SYNE2: variants seen among roughly 807,000 people sequenced by gnomAD.
SYNE2 encodes the protein spectrin repeat containing nuclear envelope protein 2.
In SYNE2, 431 loss-of-function variants were observed where a neutral mutation model predicts 856.3. The observed-to-expected ratio is 0.50, with a 90% CI of 0.47 to 0.55. The LOEUF is 0.55. Ranked by LOEUF, SYNE2 falls within the 20% of genes least tolerant of loss-of-function variation. The pLI, the probability that SYNE2 is intolerant of heterozygous loss-of-function variation, is 0.00. For synonymous variants in SYNE2, 2,923 were observed against 2,872.3 expected (o/e 1.02, Z -0.56); for missense variants, 8,129 against 8,023.2 (o/e 1.01, Z -0.50).
Position 64,090,152 on chromosome 14 carries a change from T to TGAGA in SYNE2, c.11793+458_11793+461dup, listed in dbSNP as rs149676076. 1.5e-3 allele frequency among the ~76,000 whole-genome samples: 225 copies of TGAGA among 152,272 alleles called. 3 individuals carry two copies. Among genetic ancestry groups the TGAGA allele is most frequent in the East Asian group, 0.014 (70 of 5,184 alleles). ...TTGATCCCCTGCTCAGCCTAGTGAT[T>TGAGA]GAGAGCATGTGGTTTAGGACTAGGG... On this transcript the variant is annotated intron_variant, in intron 59 of 115. Coordinates refer to ENST00000555002, the MANE Select transcript of SYNE2 (RefSeq NM_182914.3).
chr14:64,104,995 A>AT (rs2097761878), intron 64 of SYNE2, among the ~76,000 whole-genome samples: 1 of 151,900 alleles, frequency 6.6e-6, no homozygotes, highest in African/African-American at 2.4e-5. Context: ...TGGTGCCACT[A>AT]TTTTCTCAGA....
intron 94 of SYNE2, among the ~76,000 whole-genome samples, chr14:64,171,680 T>G (rs935688671): frequency 6.6e-6 from 1 of 152,100 alleles, no homozygotes; most frequent in African/African-American, 2.4e-5. Flanking sequence ...AAAAGGCCAG[T>G]GTGACTGGCG....
rs758140241 is a variant in SYNE2 at position 64,113,392 on chromosome 14, G to A, written c.12661G>A (p.Gly4221Arg). ...ADTLDSSDAQ[G>R]GLEPRVEKTR... ...CACTCTGGACTCTTCTGACGCGCAA[G>A]GAGGTTTGGAGCCCAGGGTGGAGAA... Residue 4221 changes from glycine to arginine, a missense_variant, in exon 66 of 116, where the codon GGA (glycine) becomes AGA (arginine). Around this residue, in one of 3 missense-constraint regions of SYNE2, gnomAD observed 5,410 missense variants for 5,284.8 expected, o/e 1.02. Coordinates refer to ENST00000555002, the MANE Select transcript of SYNE2 (RefSeq NM_182914.3). 6.2e-7 allele frequency: 1 copy of A among 1,614,192 alleles called. No individual in the cohort carries two copies. Among genetic ancestry groups the A allele is most frequent in the Non-Finnish European group, 8.5e-7 (1 of 1,180,046 alleles).
chr14:63,879,215 C>T (rs1158777489), intron 1 of SYNE2, among the ~76,000 whole-genome samples: 1 of 152,334 alleles, frequency 6.6e-6, no homozygotes, highest in East Asian at 1.9e-4. Flanking sequence ...ATTGAAAAGT[C>T]TCCTTTTGTG....
intron 2 of SYNE2, among the ~76,000 whole-genome samples, chr14:63,930,552 A>T (rs2095738453): frequency 7.3e-6 from 1 of 136,820 alleles, no homozygotes; most frequent in Non-Finnish European, 1.6e-5. Flanking sequence ...TTTTTTTTTA[A>T]AGACAGAGTC....
chr14:63,941,574 T>G, intron 3 of SYNE2, 121 bp from the exon 4 acceptor site: 1 of 795,556 alleles, frequency 1.3e-6, no homozygotes, highest in South Asian at 1.5e-5. Flanking sequence ...TCTCATTCTC[T>G]TAATTAAGAA....
intron 63 of SYNE2, among the ~76,000 whole-genome samples, chr14:64,101,308 T>TATA (rs1273687612): frequency 6.6e-6 from 1 of 152,190 alleles, no homozygotes; most frequent in African/African-American, 2.4e-5. Flanking sequence ...CTTTTTTATA[T>TATA]AAGCCATTCT....
intron 1 of SYNE2, among the ~76,000 whole-genome samples, chr14:63,795,072 AT>A (rs1308039258): frequency 6.6e-6 from 1 of 152,030 alleles, no homozygotes; most frequent in Non-Finnish European, 1.5e-5. Context: ...CACCTGCCTA[AT>A]TTTTTTATTT....
intron 59 of SYNE2, among the ~76,000 whole-genome samples, chr14:64,090,180 G>T (rs112276206): frequency 3.3e-5 from 5 of 152,236 alleles, no homozygotes; most frequent in Admixed American, 1.3e-4. Context: ...GACTAGGGAG[G>T]CCTGGATTCT....
upstream of SYNE2, among the ~76,000 whole-genome samples, chr14:63,849,559 C>A (rs1890337242): frequency 6.6e-6 from 1 of 151,988 alleles, no homozygotes. Context: ...TAGATGGAAC[C>A]CCACAATTTT....
In SYNE2 at chr14:64,129,769, G is replaced by A; in HGVS notation, c.14020-13G>A. ...CTGAAGGGTTTTCTTTTCTTGTATT[G>A]TCTCTCACTTAGAAAGCAGATGCAT... On this transcript the variant is annotated splice_polypyrimidine_tract_variant and intron_variant, in intron 74 of 115. Coordinates refer to ENST00000555002, the MANE Select transcript of SYNE2 (RefSeq NM_182914.3). 1 of 1,613,846 alleles carries A rather than the reference G, an allele frequency of 6.2e-7. No homozygotes were observed. Among genetic ancestry groups the A allele is most frequent in the Non-Finnish European group, 8.5e-7 (1 of 1,179,952 alleles).
chr14:63,980,979 A>G lies in SYNE2; in HGVS notation c.1649-7A>G. 14 of 1,535,596 alleles carry G rather than the reference A, an allele frequency of 9.1e-6. No individual in the cohort carries two copies. Among genetic ancestry groups the G allele is most frequent in the Non-Finnish European group, 1.3e-5 (14 of 1,117,540 alleles). ...AAGATTACTTTTTTGTTTTGTTAATATTGTAGCTGGAGAATGTCAGAATAT... is the reference window on the plus strand; with the variant it reads ...AAGATTACTTTTTTGTTTTGTTAATGTTGTAGCTGGAGAATGTCAGAATAT... On this transcript the variant is annotated splice_polypyrimidine_tract_variant and splice_region_variant and intron_variant, in intron 15 of 115. Transcript: ENST00000555002.
At chr14:63,800,232 T>C (rs12588977) in intron 1 of SYNE2, among the ~76,000 whole-genome samples, 1 of 148,718 alleles carries the variant, frequency 6.7e-6, no homozygotes, top group Non-Finnish European at 1.5e-5. Flanking sequence ...GGTTTTTTGG[T>C]TTTTTTTTTG....
At chr14:63,987,346 G>A (rs2096634445) in intron 19 of SYNE2, among the ~76,000 whole-genome samples, 1 of 152,058 alleles carries the variant, frequency 6.6e-6, no homozygotes, top group African/African-American at 2.4e-5. Context: ...TGCAGGGAGA[G>A]TGACTCATGT....
chr14:64,029,051 G>T (rs1261840833), intron 43 of SYNE2, among the ~76,000 whole-genome samples: 1 of 152,120 alleles, frequency 6.6e-6, no homozygotes, highest in African/African-American at 2.4e-5. Context: ...CAGGAGAGTT[G>T]CTTGAACCCA....
At chr14:64,111,288 CAGATTAATATTAATAGATTGTCTT>C (rs2097804336) in intron 65 of SYNE2, among the ~76,000 whole-genome samples, 1 of 138,686 alleles carries the variant, frequency 7.2e-6, no homozygotes, top group South Asian at 2.3e-4. Flanking sequence ...TCTGTGATTA[CAGATTAATATTAATAGATTGTCTT>C]AGATTAATTA....
chr14:64,150,011 T>C lies in SYNE2; in HGVS notation c.15640-2553T>C, dbSNP rs60278480. On this transcript the variant is annotated intron_variant, in intron 84 of 115. Transcript: ENST00000555002. Reference sequence around the variant, plus strand: ...CATGGCTTTTTTTTTTCTTTTCTTTTTTTTTTTTTTTTTTTTTTGATACAG... The same window carrying C: ...CATGGCTTTTTTTTTTCTTTTCTTTCTTTTTTTTTTTTTTTTTTGATACAG... 7.1e-3 allele frequency among the ~76,000 whole-genome samples: 482 copies of C among 67,690 alleles called. 2 individuals are homozygous for C. The highest frequency in any genetic ancestry group is 0.021 in the African/African-American group (456 of 21,238). The allele number at this position is 67,690 out of a possible 152,430, so 44.4% of individuals were successfully genotyped here. A position where few individuals can be genotyped will look rare whatever the true frequency, so the allele number is the denominator to read the frequency against.
intron 1 of SYNE2, among the ~76,000 whole-genome samples, chr14:63,771,303 C>T (rs980024501): frequency 1.3e-5 from 2 of 151,898 alleles, no homozygotes; most frequent in African/African-American, 2.4e-5. Flanking sequence ...ATCTCTTGAC[C>T]TCGTGATCCG....
intron 48 of SYNE2, among the ~76,000 whole-genome samples, chr14:64,054,163 A>G (rs2097250717): frequency 6.6e-6 from 1 of 152,234 alleles, no homozygotes; most frequent in Non-Finnish European, 1.5e-5. Context: ...CTGCATCTAC[A>G]TGCAGTGCCT....
Sources: allele counts gnomAD v4.1 joint callset (sites outside exome capture counted in the v4.1 genomes callset), GRCh38; gene constraint gnomAD v4.1.1; regional missense constraint gnomAD v4.1.1; transcripts MANE v1.5; gene names NCBI Gene and HGNC (gene_info 2026-07-23, HGNC 2026-07-21).